Variants in PPP3CA observed in about 807,000 individuals in gnomAD.
PPP3CA encodes protein phosphatase 3 catalytic subunit alpha.
Under a neutral mutation model 66.5 loss-of-function variants are expected in PPP3CA, and 14 were observed. The observed-to-expected ratio is 0.21, with a 90% CI of 0.14 to 0.33. PPP3CA has a LOEUF of 0.33. Ranked by LOEUF, PPP3CA falls within the 10% of genes least tolerant of loss-of-function variation. The probability of loss-of-function intolerance (pLI) is 1.00; values close to 1 mark genes in which losing one functional copy is unlikely to be tolerated. For synonymous variants in PPP3CA, 232 were observed against 226.2 expected (o/e 1.03, Z -0.23); for missense variants, 317 against 639.5 (o/e 0.50, Z 5.44).
At chr4:101,153,495 C>G (rs1033646563) in intron 2 of PPP3CA, among the ~76,000 whole-genome samples, 8 of 152,126 alleles carry the variant, frequency 5.3e-5, no homozygotes, top group African/African-American at 1.7e-4. Flanking sequence ...ACACTTGGTA[C>G]ATGGAATATA....
At chr4:101,126,744 T>A (rs72929351) in intron 2 of PPP3CA, among the ~76,000 whole-genome samples, 6,861 of 152,212 alleles carry the variant, frequency 0.045, 514 homozygotes, top group African/African-American at 0.15. Context: ...TAGTTAAGTA[T>A]CAAAAACAGA....
At chr4:101,322,099 A>G (rs987630382) in intron 1 of PPP3CA, among the ~76,000 whole-genome samples, 11 of 152,092 alleles carry the variant, frequency 7.2e-5, no homozygotes, top group African/African-American at 2.7e-4. Context: ...AATAACAGTC[A>G]CTCTCTTCAC....
intron 2 of PPP3CA, among the ~76,000 whole-genome samples, chr4:101,114,343 C>G (rs767421222): frequency 1.3e-5 from 2 of 152,030 alleles, no homozygotes; most frequent in Non-Finnish European, 2.9e-5. Flanking sequence ...CATTACTATT[C>G]ATATCTGTTA....
chr4:101,063,706 A>G (rs1003909739), intron 8 of PPP3CA, among the ~76,000 whole-genome samples: 7 of 152,016 alleles, frequency 4.6e-5, no homozygotes, highest in African/African-American at 1.7e-4. Context: ...TAAAAGTGGC[A>G]CAGCTAAGTT....
intron 1 of PPP3CA, among the ~76,000 whole-genome samples, chr4:101,287,721 C>T (rs1255114730): frequency 6.6e-6 from 1 of 151,022 alleles, no homozygotes; most frequent in Non-Finnish European, 1.5e-5. Flanking sequence ...GATCACGTGG[C>T]ATTAAAAAGG....
intron 5 of PPP3CA, among the ~76,000 whole-genome samples, chr4:101,097,059 T>C (rs1730227524): frequency 6.6e-6 from 1 of 152,160 alleles, no homozygotes; most frequent in Non-Finnish European, 1.5e-5. Flanking sequence ...CCCATGGTTA[T>C]TCTTAAGTGA....
chr4:101,342,756 C>T (rs1729856878), intron 1 of PPP3CA, among the ~76,000 whole-genome samples: 1 of 152,136 alleles, frequency 6.6e-6, no homozygotes, highest in Non-Finnish European at 1.5e-5. Context: ...CAAGCTCTTC[C>T]TGGAACACCA....
At chr4:101,299,821 G>A (rs1159955213) in intron 1 of PPP3CA, among the ~76,000 whole-genome samples, 2 of 151,972 alleles carry the variant, frequency 1.3e-5, no homozygotes, top group Non-Finnish European at 2.9e-5. Context: ...AGCATTAGGA[G>A]GTAAGGCCAT....
intron 10 of PPP3CA, among the ~76,000 whole-genome samples, chr4:101,042,990 T>C (rs1727597585): frequency 1.3e-5 from 2 of 152,054 alleles, no homozygotes; most frequent in South Asian, 4.1e-4. Context: ...CATGATGTGC[T>C]GAGTAAGGGA....
At chr4:101,054,241 T>C (rs958927478) in intron 10 of PPP3CA, among the ~76,000 whole-genome samples, 1 of 151,976 alleles carries the variant, frequency 6.6e-6, no homozygotes, top group Non-Finnish European at 1.5e-5. Flanking sequence ...TGCTCAGAAA[T>C]AAAAATCACA....
chr4:101,077,588 A>G (rs2110237090), intron 8 of PPP3CA, among the ~76,000 whole-genome samples: 1 of 152,356 alleles, frequency 6.6e-6, no homozygotes, highest in South Asian at 2.1e-4. Context: ...TAATAGCTTT[A>G]AAGTGCTTCA....
At chr4:101,095,675 G>T (rs543907595) in intron 5 of PPP3CA, among the ~76,000 whole-genome samples, 1 of 152,064 alleles carries the variant, frequency 6.6e-6, no homozygotes, top group African/African-American at 2.4e-5. Flanking sequence ...TTTTTGAGAC[G>T]GAGTCTCCCT....
chr4:101,194,407 C>A (rs535328995), intron 2 of PPP3CA, among the ~76,000 whole-genome samples: 1 of 152,004 alleles, frequency 6.6e-6, no homozygotes, highest in African/African-American at 2.4e-5. Flanking sequence ...CTTTTAGATG[C>A]CCCCTTTATA....
chr4:101,040,478 C>G lies in PPP3CA; in HGVS notation c.1241+4G>C. 1.3e-6 allele frequency: 2 copies of G among 1,592,216 alleles called. No homozygotes were observed. ...AAACAAAAACAGAGTACGAATGCACCCACCTGAGCACTGAGAACACTCTGG... is the reference window on the plus strand; with the variant it reads ...AAACAAAAACAGAGTACGAATGCACGCACCTGAGCACTGAGAACACTCTGG... On this transcript the variant is annotated splice_donor_region_variant and intron_variant, in intron 11 of 13. Coordinates refer to ENST00000394854, the MANE Select transcript of PPP3CA (RefSeq NM_000944.5).
intron 8 of PPP3CA, among the ~76,000 whole-genome samples, chr4:101,075,550 T>C (rs1302734021): frequency 2.0e-5 from 3 of 152,220 alleles, no homozygotes; most frequent in Non-Finnish European, 4.4e-5. Flanking sequence ...GGAAACCTAC[T>C]GTCGTTTACT....
At chr4:101,295,405 C>T (rs947997090) in intron 1 of PPP3CA, among the ~76,000 whole-genome samples, 13 of 150,222 alleles carry the variant, frequency 8.7e-5, no homozygotes, top group Admixed American at 2.0e-4. Flanking sequence ...TTTATCAAAA[C>T]GGTCATCTAT....
At chr4:101,110,199 C>T (rs941167095) in intron 2 of PPP3CA, among the ~76,000 whole-genome samples, 6 of 152,150 alleles carry the variant, frequency 3.9e-5, no homozygotes, top group South Asian at 4.1e-4. Context: ...ACAGAATGAA[C>T]GCATTCGTGA....
At chr4:101,140,024 C>T (rs979147675) in intron 2 of PPP3CA, among the ~76,000 whole-genome samples, 32 of 152,060 alleles carry the variant, frequency 2.1e-4, no homozygotes, top group African/African-American at 6.5e-4. Flanking sequence ...ATTGCTTTCC[C>T]AACTAATTCT....
rs567344931 is a variant in PPP3CA, at chr4:101,216,397, T to C, written c.59-20281A>G. On this transcript the variant is annotated intron_variant, in intron 1 of 13. Transcript: ENST00000394854. ...CCTGTATTTTCTTTACTGTTCCCAA[T>C]CATGGTGTTATGAATTATATTTCAC... 9.5e-4 allele frequency among the ~76,000 whole-genome samples: 144 copies of C among 152,284 alleles called. 2 individuals carry two copies. In the South Asian group the frequency reaches 0.029, roughly 31 times the overall value.
Sources: gnomAD v4.1 joint callset for allele counts (sites outside exome capture counted in the v4.1 genomes callset) on GRCh38, gnomAD v4.1.1 for gene constraint, MANE v1.5 for transcripts, NCBI Gene and HGNC (gene_info 2026-07-23, HGNC 2026-07-21) for gene names.